Variants in FSTL5 observed in about 807,000 individuals in gnomAD.
FSTL5 encodes follistatin-related protein 5.
A neutral mutation model predicts 89.1 loss-of-function variants in FSTL5; 62 were observed. That is an observed-to-expected ratio of 0.70 (90% CI 0.57 to 0.86). The LOEUF (loss-of-function observed/expected upper bound fraction) is 0.86, where lower values mean the gene tolerates loss of function less well. Ranked by LOEUF, FSTL5 falls within the 40% of genes least tolerant of loss-of-function variation. FSTL5 has a pLI of 0.00. For missense variants in FSTL5, 1,057 were observed against 1,001.6 expected (o/e 1.06, Z -0.75); for synonymous variants, 383 against 346.2 (o/e 1.11, Z -1.18).
At chr4:161,977,639 A>AATAATAATAATAAT (rs1553988131) in intron 3 of FSTL5, among the ~76,000 whole-genome samples, 1 of 101,238 alleles carries the variant, frequency 9.9e-6, no homozygotes, top group Admixed American at 1.1e-4. Context: ...AAAAAAAAAA[A>AATAATAATAATAAT]AATAATAATA....
rs558107137 is a variant in FSTL5, at chr4:161,498,653, AAC to A, written c.1458+1361_1458+1362del. Among the ~76,000 whole-genome samples, 38 of 152,246 alleles carry A rather than the reference AAC, an allele frequency of 2.5e-4. 1 individual carries two copies. The South Asian group carries it at 7.3e-3, about 29-fold the overall frequency. ...GCTAGTCCTGTAGAAATCAGAGAGA[AAC>A]ACTCTCCTATAAAATTATTTTGCTC... is the stretch of plus-strand genomic sequence containing the variant. On this transcript the variant is annotated intron_variant, in intron 12 of 15. Coordinates refer to ENST00000306100, the MANE Select transcript of FSTL5 (RefSeq NM_020116.5).
chr4:161,670,747 G>A (rs891925617), intron 6 of FSTL5, among the ~76,000 whole-genome samples: 3 of 152,176 alleles, frequency 2.0e-5, no homozygotes, highest in African/African-American at 7.2e-5. Context: ...AACACTGGCT[G>A]TTCATTTTGG....
intron 6 of FSTL5, among the ~76,000 whole-genome samples, chr4:161,727,079 G>A (rs907893897): frequency 4.6e-5 from 7 of 152,148 alleles, no homozygotes; most frequent in African/African-American, 1.4e-4. Context: ...GTCAGCAACA[G>A]CATCTGCTGA....
intron 6 of FSTL5, among the ~76,000 whole-genome samples, chr4:161,690,593 A>AT (rs375997071): frequency 6.6e-6 from 1 of 151,974 alleles, no homozygotes; most frequent in Admixed American, 6.6e-5. Context: ...ATTTGTAAAT[A>AT]TTTTTTCCCT....
chr4:161,495,548 A>G (rs964661307), intron 12 of FSTL5: 3 of 152,176 alleles, frequency 2.0e-5, no homozygotes, highest in Non-Finnish European at 2.9e-5. Flanking sequence ...AAGATGAAAA[A>G]TAGCTAAAAG....
chr4:162,042,876 C>T (rs907212007), intron 2 of FSTL5, among the ~76,000 whole-genome samples: 6 of 139,238 alleles, frequency 4.3e-5, no homozygotes, highest in Non-Finnish European at 9.0e-5. Context: ...TATTCTCACT[C>T]ATAGGTGGGA....
chr4:161,783,732 TTTTCTTTCTTTC>T (rs146247881), intron 4 of FSTL5, among the ~76,000 whole-genome samples: 4 of 14,516 alleles, frequency 2.8e-4, no homozygotes, highest in African/African-American at 6.7e-4. Flanking sequence ...TCTTCTTTTC[TTTTCTTTCTTTC>T]TTTCTTTCTT....
rs776586792 is a variant in FSTL5 at position 161,500,100 on chromosome 4, A to G, written c.1374T>C (p.Tyr458=). The G allele has an allele frequency of 1.1e-5, 17 of 1,605,294 alleles. No individual in the cohort carries two copies. Among genetic ancestry groups the G allele is most frequent in the Non-Finnish European group, 1.3e-5 (15 of 1,174,064 alleles). Residue 458 remains tyrosine (Y), a synonymous_variant, in exon 12 of 16, where the codon TAT becomes TAC. Coordinates refer to ENST00000306100, the MANE Select transcript of FSTL5 (RefSeq NM_020116.5). ...LGIGNMFYVF[Y]EDGIKVIQPI... is the part of the protein sequence containing the mutation. Reference sequence around the variant, plus strand: ...GTTGTATCACTTTGATTCCATCTTCATAAAAAACATAGAACATGTTCCCAA... The same window carrying G: ...GTTGTATCACTTTGATTCCATCTTCGTAAAAAACATAGAACATGTTCCCAA...
intron 2 of FSTL5, among the ~76,000 whole-genome samples, chr4:162,062,992 C>T (rs1186835055): frequency 2.0e-5 from 3 of 151,504 alleles, no homozygotes; most frequent in South Asian, 2.1e-4. Flanking sequence ...GTATTATATG[C>T]TACTATTTTA....
chr4:161,450,895 C>A (rs1160745968), intron 15 of FSTL5, among the ~76,000 whole-genome samples: 1 of 151,918 alleles, frequency 6.6e-6, no homozygotes, highest in African/African-American at 2.4e-5. Context: ...AGGCGCCCAC[C>A]ACCACGCCTG....
At chr4:161,679,697 T>C (rs1737451180) in intron 6 of FSTL5, among the ~76,000 whole-genome samples, 1 of 151,854 alleles carries the variant, frequency 6.6e-6, no homozygotes, top group African/African-American at 2.4e-5. Flanking sequence ...TTAGGTAAAA[T>C]TTGAGATAAA....
intron 3 of FSTL5, among the ~76,000 whole-genome samples, chr4:161,932,889 G>T (rs1410696732): frequency 3.3e-5 from 5 of 151,894 alleles, no homozygotes. Flanking sequence ...CTAAATGTTT[G>T]ATTGTTCTTC....
chr4:161,792,592 C>A (rs899044243), intron 4 of FSTL5, among the ~76,000 whole-genome samples: 1 of 152,104 alleles, frequency 6.6e-6, no homozygotes, highest in Non-Finnish European at 1.5e-5. Context: ...CCGAGAAAAA[C>A]CCCAGATTCA....
At chr4:161,998,911 G>C (rs1048305264) in intron 3 of FSTL5, among the ~76,000 whole-genome samples, 1 of 149,972 alleles carries the variant, frequency 6.7e-6, no homozygotes, top group African/African-American at 2.5e-5. Flanking sequence ...GTTGGAATTT[G>C]GTATCTTATT....
At chr4:161,719,382 T>C (rs1230367855) in intron 6 of FSTL5, among the ~76,000 whole-genome samples, 1 of 152,208 alleles carries the variant, frequency 6.6e-6, no homozygotes, top group Non-Finnish European at 1.5e-5. Flanking sequence ...TTGACATTAA[T>C]CAAATGTCAT....
chr4:161,507,438 T>C (rs1240425322), intron 11 of FSTL5, among the ~76,000 whole-genome samples: 1 of 151,808 alleles, frequency 6.6e-6, no homozygotes, highest in Non-Finnish European at 1.5e-5. Flanking sequence ...ATTTAATATA[T>C]AGTAAAACTA....
chr4:162,093,297 A>G (rs1414402645), intron 2 of FSTL5, among the ~76,000 whole-genome samples: 2 of 152,126 alleles, frequency 1.3e-5, no homozygotes, highest in Admixed American at 1.3e-4. Flanking sequence ...AATTTTCAGG[A>G]ATTTTTCACC....
chr4:161,495,886 T>A (rs1264358524), intron 12 of FSTL5, among the ~76,000 whole-genome samples: 1 of 152,116 alleles, frequency 6.6e-6, no homozygotes, highest in Non-Finnish European at 1.5e-5. Flanking sequence ...ATGAAACACA[T>A]TAGCGTTTTT....
chr4:161,790,033 T>A (rs989470942), intron 4 of FSTL5, among the ~76,000 whole-genome samples: 1 of 152,220 alleles, frequency 6.6e-6, no homozygotes. Flanking sequence ...CCAGTTTACA[T>A]TAAATAGGAT....
Sources: gnomAD v4.1 joint callset for allele counts (sites outside exome capture counted in the v4.1 genomes callset) on GRCh38, gnomAD v4.1.1 for gene constraint, MANE v1.5 for transcripts, NCBI Gene and HGNC (gene_info 2026-07-23, HGNC 2026-07-21) for gene names.